The following PMS1 variants were observed in gnomAD, a reference collection of about 807,000 sequenced individuals.
The protein encoded by PMS1 is PMS1 homolog 1, mismatch repair system component.
In PMS1, 79 loss-of-function variants were observed where a neutral mutation model predicts 93.1. That is an observed-to-expected ratio of 0.85 (90% CI 0.71 to 1.02). The LOEUF (loss-of-function observed/expected upper bound fraction) is 1.02. Ranked by LOEUF, PMS1 falls within the 50% of genes least tolerant of loss-of-function variation. The probability of loss-of-function intolerance (pLI) is 0.00; values close to 1 mark genes in which losing one functional copy is unlikely to be tolerated. For synonymous variants in PMS1, 335 were observed against 363.4 expected (o/e 0.92, Z 0.89); for missense variants, 1,064 against 1,085.3 (o/e 0.98, Z 0.28).
At chr2:189,795,093 A>T (rs938218816) in intron 2 of PMS1, among the ~76,000 whole-genome samples, 32 of 152,052 alleles carry the variant, frequency 2.1e-4, no homozygotes, top group African/African-American at 7.7e-4. Context: ...CAAAGTATCT[A>T]AAAAAAGTCT....
intron 4 of PMS1, among the ~76,000 whole-genome samples, chr2:189,814,010 C>G (rs1166503712): frequency 6.6e-6 from 1 of 152,114 alleles, no homozygotes; most frequent in East Asian, 1.9e-4. Context: ...GGTATAGATT[C>G]TGGTGTGTGT....
At chr2:189,834,534 C>T (rs2053225461) in intron 5 of PMS1, among the ~76,000 whole-genome samples, 4 of 152,154 alleles carry the variant, frequency 2.6e-5, no homozygotes, top group South Asian at 4.2e-4. Context: ...ATCTCGTTGT[C>T]TGGCAAGTTA....
intron 6 of PMS1, among the ~76,000 whole-genome samples, chr2:189,848,025 T>C (rs1366237993): frequency 2.0e-5 from 3 of 152,186 alleles, no homozygotes; most frequent in Non-Finnish European, 4.4e-5. Flanking sequence ...TGATGTGACA[T>C]GGGTCCTATT....
chr2:189,865,474 CA>C (rs1559326188), intron 10 of PMS1, among the ~76,000 whole-genome samples: 1 of 152,126 alleles, frequency 6.6e-6, no homozygotes, highest in Non-Finnish European at 1.5e-5. Context: ...TTCATCACAT[CA>C]AAAGGCACTA....
At chr2:189,793,937 A>T (rs1204114968) in intron 2 of PMS1, among the ~76,000 whole-genome samples, 4 of 152,142 alleles carry the variant, frequency 2.6e-5, no homozygotes, top group African/African-American at 9.7e-5. Flanking sequence ...TTGTGTTCTT[A>T]TTACGGGATT....
intron 4 of PMS1, among the ~76,000 whole-genome samples, chr2:189,814,938 A>C (rs1165012374): frequency 6.6e-6 from 1 of 152,054 alleles, no homozygotes; most frequent in Non-Finnish European, 1.5e-5. Flanking sequence ...TCTACCAAAA[A>C]AATACAAAAA....
In PMS1 at chr2:189,869,563, T is replaced by C. The variant is rs535106416; in HGVS notation, c.2473+1634T>C. On this transcript the variant is annotated intron_variant, in intron 11 of 12. Coordinates refer to ENST00000441310, the MANE Select transcript of PMS1 (RefSeq NM_000534.5). ...CAGGCACGGTGGCTCATGCCTGTAA[T>C]CCTAGCACTTTGGGAGGCCGAGGTG... 3.3e-3 allele frequency among the ~76,000 whole-genome samples: 502 copies of C among 152,274 alleles called. 3 individuals are homozygous for C. Among genetic ancestry groups the C allele is most frequent in the Middle Eastern group, 0.01 (3 of 294 alleles).
intron 2 of PMS1, among the ~76,000 whole-genome samples, chr2:189,792,637 A>G (rs2048967794): frequency 6.7e-6 from 1 of 148,290 alleles, no homozygotes; most frequent in Non-Finnish European, 1.5e-5. Flanking sequence ...ACTTTTTCTT[A>G]TCTACCAGAT....
rs576292152 is a variant in PMS1 at position 189,813,846 on chromosome 2, G to A, written c.419-4171G>A. Reference sequence around the variant, plus strand: ...AGTGTATCATAGTTTAATTGGAAGTGTTTTTTTCTTTTTTAGAGATTTATA... The same window carrying A: ...AGTGTATCATAGTTTAATTGGAAGTATTTTTTTCTTTTTTAGAGATTTATA... On this transcript the variant is annotated intron_variant, in intron 4 of 12. Transcript: ENST00000441310. Among the ~76,000 whole-genome samples, 30 of 152,220 alleles carry A rather than the reference G, an allele frequency of 2.0e-4. No homozygotes were observed. The South Asian group carries it at 4.4e-3, about 22-fold the overall frequency.
At chr2:189,873,687 A>G in intron 12 of PMS1, 31 bp downstream of exon 12, 1 of 1,528,844 alleles carries the variant, frequency 6.5e-7, no homozygotes, top group Non-Finnish European at 9.0e-7. Context: ...ATGTTATTGT[A>G]TACAGGGGTC....
At chr2:189,872,734 G>C (rs1464379467) in intron 11 of PMS1, among the ~76,000 whole-genome samples, 1 of 152,156 alleles carries the variant, frequency 6.6e-6, no homozygotes, top group African/African-American at 2.4e-5. Context: ...CTGGGATCAA[G>C]TGATCCTCCC....
rs2048085350 is a variant in PMS1, at chr2:189,784,595, TA to T, written c.-21+3del. 6.5e-6 allele frequency: 1 copy of T among 152,786 alleles called. No individual in the cohort carries two copies. Among genetic ancestry groups the T allele is most frequent in the African/African-American group, 2.4e-5 (1 of 41,418 alleles). 9.5% of individuals were successfully genotyped at this position (152,786 alleles called of 1,614,324 possible). A position where few individuals can be genotyped will look rare whatever the true frequency, so the allele number is the denominator to read the frequency against. ...TGCCTGCCTCGCGCTAGCAGGAAGG[TA>T]GTGTGGTGTGACTAACGGGTATTTA... On this transcript the variant is annotated splice_donor_region_variant and intron_variant, in intron 1 of 12. Coordinates refer to ENST00000441310, the MANE Select transcript of PMS1 (RefSeq NM_000534.5).
In PMS1 at chr2:189,851,830, G is replaced by A. The variant is rs563311419; in HGVS notation, c.700-825G>A. Among the ~76,000 whole-genome samples the A allele has an allele frequency of 2.0e-5, 3 of 150,448 alleles. No homozygotes were observed. In the South Asian group the frequency reaches 6.3e-4, roughly 31 times the overall value. ...ACTTAACAAAAATCACATAGCTAGT[G>A]GTAGAACTGGGATTCAAACCTTGTC... On this transcript the variant is annotated intron_variant, in intron 6 of 12. Transcript: ENST00000441310.
At chr2:189,818,381 A>G (rs2051510360) in intron 5 of PMS1, among the ~76,000 whole-genome samples, 1 of 152,178 alleles carries the variant, frequency 6.6e-6, no homozygotes, top group Non-Finnish European at 1.5e-5. Context: ...AAAATAAAGG[A>G]GACCTCAGAG....
intron 1 of PMS1, among the ~76,000 whole-genome samples, chr2:189,787,424 G>A (rs2048454264): frequency 6.6e-6 from 1 of 151,942 alleles, no homozygotes; most frequent in Non-Finnish European, 1.5e-5. Context: ...TTCAAAAGTT[G>A]TACAGCAGGA....
At chr2:189,790,663 A>G (rs953550489) in intron 1 of PMS1, among the ~76,000 whole-genome samples, 3 of 152,162 alleles carry the variant, frequency 2.0e-5, no homozygotes, top group Non-Finnish European at 2.9e-5. Context: ...ATGCAATCCT[A>G]TATGTAAAGT....
At chr2:189,836,939 C>T (rs1223598329) in intron 5 of PMS1, among the ~76,000 whole-genome samples, 2 of 152,192 alleles carry the variant, frequency 1.3e-5, no homozygotes, top group African/African-American at 4.8e-5. Context: ...TTGCATTAAT[C>T]AGCAGCTAAG....
chr2:189,816,654 C>T (rs2051329749), intron 4 of PMS1, among the ~76,000 whole-genome samples: 1 of 152,028 alleles, frequency 6.6e-6, no homozygotes, highest in African/African-American at 2.4e-5. Flanking sequence ...TTTAAAACTA[C>T]CAGTAATTTC....
intron 6 of PMS1, 36 bp downstream of exon 6, chr2:189,844,116 T>C: frequency 6.2e-7 from 1 of 1,611,310 alleles, no homozygotes; most frequent in African/African-American, 1.3e-5. Flanking sequence ...AATTCTGATT[T>C]ACTCATGAAG....
Sources: allele counts gnomAD v4.1 joint callset (sites outside exome capture counted in the v4.1 genomes callset), GRCh38; gene constraint gnomAD v4.1.1; transcripts MANE v1.5; gene names NCBI Gene and HGNC (gene_info 2026-07-23, HGNC 2026-07-21).